Variants in PAPPA2 observed in about 807,000 individuals in gnomAD.
PAPPA2 encodes pappalysin-2.
A neutral mutation model predicts 176.4 loss-of-function variants in PAPPA2; 86 were observed. The ratio of observed to expected loss-of-function variants is 0.49; its 90% CI spans 0.41 to 0.58. PAPPA2 has a LOEUF of 0.58. PAPPA2 is among the 20% of genes least tolerant of loss of function. The pLI is 0.00. For synonymous variants in PAPPA2, 809 were observed against 852.2 expected, an observed-to-expected ratio of 0.95 and a Z score of 0.88; for missense variants, 2,073 against 2,256.9, an observed-to-expected ratio of 0.92 and a Z score of 1.65.
At chr1:176,518,035 G>A (rs144800881) in intron 1 of PAPPA2, among the ~76,000 whole-genome samples, 6 of 152,138 alleles carry the variant, frequency 3.9e-5, no homozygotes, top group African/African-American at 1.4e-4. Flanking sequence ...GTGACCAACT[G>A]TCTAACCCCC....
rs1045028043 is a variant in PAPPA2 at position 176,585,661 on chromosome 1, C to A, written c.920-8863C>A. 2.0e-5 allele frequency among the ~76,000 whole-genome samples: 3 copies of A among 151,866 alleles called. 1 individual carries two copies. The highest frequency in any genetic ancestry group is 1.3e-4 in the Admixed American group (2 of 15,250). ...CTGATGTTTCATACATTTTTGTAGG[C>A]TTTTTATTCATTCTTTAAAATATAT... On this transcript the variant is annotated intron_variant, in intron 2 of 22. Transcript: ENST00000367662.
intron 14 of PAPPA2, among the ~76,000 whole-genome samples, chr1:176,764,759 G>A (rs537648069): frequency 9.2e-5 from 14 of 152,206 alleles, no homozygotes; most frequent in African/African-American, 3.1e-4. Context: ...ACCACATCCG[G>A]CTAATTGTTT....
At chr1:176,669,603 A>G (rs1008353015) in intron 3 of PAPPA2, among the ~76,000 whole-genome samples, 2 of 152,170 alleles carry the variant, frequency 1.3e-5, no homozygotes, top group Non-Finnish European at 2.9e-5. Flanking sequence ...GCTGAGAGCT[A>G]GTTTTCCAAG....
chr1:176,840,288 G>C lies in PAPPA2; in HGVS notation c.5301+17G>C. The C allele has an allele frequency of 1.9e-6, 3 of 1,589,230 alleles. No individual in the cohort carries two copies. Among genetic ancestry groups the C allele is most frequent in the Non-Finnish European group, 2.6e-6 (3 of 1,159,038 alleles). The stretch of plus-strand genomic sequence containing the variant: ...TCCAAGAAGGTGAGTGAGAGAACCT[G>C]GGGATGGGGGAGGCAGTGGCTTCAG... On this transcript the variant is annotated intron_variant, in intron 22 of 22. Transcript: ENST00000367662.
chr1:176,473,170 C>T (rs1027498545), intron 1 of PAPPA2, among the ~76,000 whole-genome samples: 5 of 152,152 alleles, frequency 3.3e-5, no homozygotes, highest in Admixed American at 2.0e-4. Flanking sequence ...ATTCTCTATG[C>T]TCCACCTATT....
At chr1:176,679,097 A>G (rs1211798574) in intron 4 of PAPPA2, among the ~76,000 whole-genome samples, 1 of 151,128 alleles carries the variant, frequency 6.6e-6, no homozygotes, top group Non-Finnish European at 1.5e-5. Context: ...TAGGTTGGAA[A>G]CTCCTGCACT....
At position 176,843,004 on chromosome 1, in the gene PAPPA2, ATATAT is replaced by A. The variant is rs1488499802; in HGVS notation, c.*556_*560del. On this transcript the variant is annotated 3_prime_UTR_variant, in exon 23 of 23. Coordinates refer to ENST00000367662, the MANE Select transcript of PAPPA2 (RefSeq NM_020318.3). ...TAAGTATTTAAACATAATTATATAA[ATATAT>A]TATATATATTATATTTTTTGCTGTT... The A allele has an allele frequency of 4.7e-5, 7 of 149,258 alleles. No individual in the cohort carries two copies. Among genetic ancestry groups the A allele is most frequent in the African/African-American group, 1.2e-4 (5 of 40,994 alleles). The allele number at this position is 149,258 out of a possible 1,614,324, so 9.2% of individuals were successfully genotyped here. A position where few individuals can be genotyped will look rare whatever the true frequency, so the allele number is the denominator to read the frequency against.
chr1:176,828,592 A>G (rs1431712609), intron 21 of PAPPA2, among the ~76,000 whole-genome samples: 1 of 152,160 alleles, frequency 6.6e-6, no homozygotes, highest in African/African-American at 2.4e-5. Flanking sequence ...GCATATGTGT[A>G]TATAAGTACA....
chr1:176,645,598 A>G (rs1350356487), intron 3 of PAPPA2, among the ~76,000 whole-genome samples: 1 of 151,670 alleles, frequency 6.6e-6, no homozygotes, highest in African/African-American at 2.4e-5. Context: ...TTTCTTTTGG[A>G]TATGTACCCA....
intron 1 of PAPPA2, among the ~76,000 whole-genome samples, chr1:176,480,179 C>T (rs775252863): frequency 4.6e-5 from 7 of 152,196 alleles, no homozygotes; most frequent in Non-Finnish European, 7.4e-5. Context: ...CCTCTCTCGA[C>T]CTGTAACTGG....
Position 176,842,545 on chromosome 1 carries a change from C to T in PAPPA2, c.*91C>T. 1 of 1,166,122 alleles carries T rather than the reference C, an allele frequency of 8.6e-7. No individual in the cohort carries two copies. Among genetic ancestry groups the T allele is most frequent in the Admixed American group, 2.0e-5 (1 of 49,640 alleles). 72.2% of individuals were successfully genotyped at this position (1,166,122 alleles called of 1,614,324 possible). On this transcript the variant is annotated 3_prime_UTR_variant, in exon 23 of 23. Coordinates refer to ENST00000367662, the MANE Select transcript of PAPPA2 (RefSeq NM_020318.3). ...GAAACAAAGGGTGAATGAAGAAGAA[C>T]AATCATGAAATGGAAGAAGGAGGAA...
intron 1 of PAPPA2, among the ~76,000 whole-genome samples, chr1:176,496,555 G>A (rs1035181836): frequency 1.3e-5 from 2 of 151,916 alleles, no homozygotes; most frequent in African/African-American, 4.8e-5. Flanking sequence ...TCTCATTCTG[G>A]GCACCTCGTT....
At chr1:176,510,069 T>A (rs947135837) in intron 1 of PAPPA2, among the ~76,000 whole-genome samples, 4 of 151,452 alleles carry the variant, frequency 2.6e-5, no homozygotes, top group African/African-American at 7.3e-5. Context: ...AAACAAAAAA[T>A]AAGAAAAAGA....
At chr1:176,603,896 C>T (rs1459655190) in intron 3 of PAPPA2, among the ~76,000 whole-genome samples, 4 of 152,152 alleles carry the variant, frequency 2.6e-5, no homozygotes, top group East Asian at 1.9e-4. Context: ...ATTCCTCTCC[C>T]CCTAATTCTC....
intron 19 of PAPPA2, among the ~76,000 whole-genome samples, chr1:176,793,147 G>A (rs1340842159): frequency 6.6e-6 from 1 of 152,174 alleles, no homozygotes; most frequent in East Asian, 1.9e-4. Flanking sequence ...AGGAGACCAT[G>A]TAAACAGGAA....
At chr1:176,616,280 A>G (rs1360863541) in intron 3 of PAPPA2, 1 of 503,780 alleles carries the variant, frequency 2.0e-6, no homozygotes, top group Non-Finnish European at 3.9e-6. Flanking sequence ...ATTGAATGCA[A>G]CAGTTGTTTA....
intron 1 of PAPPA2, among the ~76,000 whole-genome samples, chr1:176,515,268 T>C (rs1479874009): frequency 6.6e-6 from 1 of 151,690 alleles, no homozygotes; most frequent in East Asian, 1.9e-4. Context: ...TAAAGAGTCA[T>C]TATTTCTGAC....
intron 12 of PAPPA2, among the ~76,000 whole-genome samples, chr1:176,721,806 C>CA (rs1024800702): frequency 1.5e-4 from 23 of 151,814 alleles, no homozygotes; most frequent in Non-Finnish European, 2.8e-4. Context: ...GTCTTAGTTT[C>CA]AAAAAAATTT....
intron 21 of PAPPA2, among the ~76,000 whole-genome samples, chr1:176,831,969 G>A (rs1039935772): frequency 6.6e-6 from 1 of 152,138 alleles, no homozygotes; most frequent in African/African-American, 2.4e-5. Context: ...ATGCATTGGT[G>A]GTAAAAGTGA....
Sources: allele counts gnomAD v4.1 joint callset (sites outside exome capture counted in the v4.1 genomes callset), GRCh38; gene constraint gnomAD v4.1.1; transcripts MANE v1.5; gene names NCBI Gene and HGNC (gene_info 2026-07-23, HGNC 2026-07-21).